Variants in LDHAL6A observed in about 807,000 individuals in gnomAD.
The protein encoded by LDHAL6A is L-lactate dehydrogenase A-like 6A.
In LDHAL6A, 19 loss-of-function variants were observed where a neutral mutation model predicts 28.2. The ratio of observed to expected loss-of-function variants is 0.67; its 90% confidence interval spans 0.47 to 0.99. The LOEUF is 0.99. LDHAL6A is among the 50% of genes least tolerant of loss of function. LDHAL6A has a pLI of 0.00. For synonymous variants in LDHAL6A, 144 were observed against 134.4 expected, an observed-to-expected ratio of 1.07 and a Z score of -0.49; for missense variants, 372 against 398.6, an observed-to-expected ratio of 0.93 and a Z score of 0.57.
intron 2 of LDHAL6A, 42 bp downstream of exon 2, chr11:18,464,120 T>G: frequency 7.9e-7 from 1 of 1,269,178 alleles, no homozygotes; most frequent in Non-Finnish European, 1.1e-6. Context: ...CTAATATACA[T>G]GAACAAGTAT....
chr11:18,468,490 C>T (rs2133879703), intron 3 of LDHAL6A: 1 of 152,206 alleles, frequency 6.6e-6, no homozygotes, highest in East Asian at 1.9e-4. Flanking sequence ...GGGCACCCAC[C>T]ACCACTCCTG....
At chr11:18,464,695 A>G (rs1331256940) in intron 2 of LDHAL6A, among the ~76,000 whole-genome samples, 1 of 151,346 alleles carries the variant, frequency 6.6e-6, no homozygotes, top group Non-Finnish European at 1.5e-5. Context: ...AGCCTGGGCA[A>G]CAAGAGTGAA....
chr11:18,466,961 G>A (rs1849089736), intron 3 of LDHAL6A, among the ~76,000 whole-genome samples: 3 of 152,146 alleles, frequency 2.0e-5, no homozygotes, highest in African/African-American at 7.2e-5. Flanking sequence ...GTAACTGAAG[G>A]GATGGTAGTT....
In LDHAL6A at chr11:18,476,369, G is replaced by A; in HGVS notation, c.593-15G>A. ...TACCATGTAAGAAGTGGGATTTTGGGTGTCTCTTTCTTAGTTCCTGTGTGG... is the reference window on the plus strand; with the variant it reads ...TACCATGTAAGAAGTGGGATTTTGGATGTCTCTTTCTTAGTTCCTGTGTGG... On this transcript the variant is annotated splice_polypyrimidine_tract_variant and intron_variant, in intron 4 of 6. Coordinates refer to ENST00000280706, the MANE Select transcript of LDHAL6A (RefSeq NM_144972.5). 1 of 1,607,562 alleles carries A rather than the reference G, an allele frequency of 6.2e-7. No individual in the cohort carries two copies. Among genetic ancestry groups the A allele is most frequent in the Non-Finnish European group, 8.5e-7 (1 of 1,177,866 alleles).
intron 3 of LDHAL6A, among the ~76,000 whole-genome samples, chr11:18,472,766 G>C (rs546544671): frequency 1.3e-5 from 2 of 152,222 alleles, no homozygotes; most frequent in African/African-American, 4.8e-5. Flanking sequence ...AGAACAAATA[G>C]ATTTTTCAAA....
chr11:18,464,098 A>T lies in LDHAL6A; in HGVS notation c.244+20A>T, dbSNP rs1334725500. ...GCAAAGGTTAATGTCATAGTTAAATACTATAAATATTCTAATATACATGAA... is the reference window on the plus strand; with the variant it reads ...GCAAAGGTTAATGTCATAGTTAAATTCTATAAATATTCTAATATACATGAA... On this transcript the variant is annotated intron_variant, in intron 2 of 6. Transcript: ENST00000280706. 1 of 1,411,176 alleles carries T rather than the reference A, an allele frequency of 7.1e-7. No homozygotes were observed. Among genetic ancestry groups the T allele is most frequent in the African/African-American group, 1.4e-5 (1 of 71,112 alleles). The allele number at this position is 1,411,176 out of a possible 1,614,324, so 87.4% of individuals were successfully genotyped here.
Position 18,461,387 on chromosome 11 carries a change from C to T in LDHAL6A, c.127-2574C>T, listed in dbSNP as rs187916395. ...CTCGAACTCCTGAGCTCATGATCCGCCCACCTTGGCCTCCCAAAGTGCTGG... is the reference window on the plus strand; with the variant it reads ...CTCGAACTCCTGAGCTCATGATCCGTCCACCTTGGCCTCCCAAAGTGCTGG... On this transcript the variant is annotated intron_variant, in intron 1 of 6. Transcript: ENST00000280706. Among the ~76,000 whole-genome samples, 995 of 151,840 alleles carry T rather than the reference C, an allele frequency of 6.6e-3. 2 individuals carry two copies. The highest frequency in any genetic ancestry group is 0.01 in the Non-Finnish European group (696 of 67,956).
chr11:18,476,595 G>C, intron 5 of LDHAL6A, 94 bp downstream of exon 5: 1 of 1,491,738 alleles, frequency 6.7e-7, no homozygotes, highest in Non-Finnish European at 8.9e-7. Flanking sequence ...ATATGTTGTT[G>C]TATTTCCCAT....
intron 5 of LDHAL6A, among the ~76,000 whole-genome samples, 168 bp from the exon 6 acceptor site, chr11:18,477,452 T>TAAAA (rs112745078): frequency 6.9e-6 from 1 of 144,350 alleles, no homozygotes. Context: ...GAGCAAGACT[T>TAAAA]AAAAAAAAAA....
chr11:18,477,803 T>G, intron 6 of LDHAL6A, 60 bp downstream of exon 6: 1 of 1,495,824 alleles, frequency 6.7e-7, no homozygotes, highest in Non-Finnish European at 9.0e-7. Flanking sequence ...GTAAAGAACA[T>G]TTTTGAGGCA....
chr11:18,459,900 G>GT (rs59881367), intron 1 of LDHAL6A, among the ~76,000 whole-genome samples: 13 of 151,676 alleles, frequency 8.6e-5, no homozygotes, highest in Non-Finnish European at 1.2e-4. Context: ...ATTTGGTGGG[G>GT]TTTTTTTTGA....
In LDHAL6A at chr11:18,456,585, A is replaced by G. The variant is rs1279850851; in HGVS notation, c.-96A>G. 2 of 1,124,154 alleles carry G rather than the reference A, an allele frequency of 1.8e-6. No homozygotes were observed. Among genetic ancestry groups the G allele is most frequent in the Non-Finnish European group, 2.6e-6 (2 of 756,192 alleles). The allele number at this position is 1,124,154 out of a possible 1,614,324, so 69.6% of individuals were successfully genotyped here. A position where few individuals can be genotyped will look rare whatever the true frequency, so the allele number is the denominator to read the frequency against. The stretch of plus-strand genomic sequence containing the variant: ...CCACACGGGCCCAGGAGTTCTCTAT[A>G]CGCGCTCTCACCGCAGGTCTTGGAA... On this transcript the variant is annotated 5_prime_UTR_variant, in exon 1 of 7. It adds an upstream start codon to the 5' untranslated region. Coordinates refer to ENST00000280706, the MANE Select transcript of LDHAL6A (RefSeq NM_144972.5).
At chr11:18,462,321 T>G (rs1848933479) in intron 1 of LDHAL6A, among the ~76,000 whole-genome samples, 1 of 151,968 alleles carries the variant, frequency 6.6e-6, no homozygotes, top group Non-Finnish European at 1.5e-5. Context: ...GCCAACATGG[T>G]GAAACCCTGT....
At chr11:18,461,112 A>T (rs1258911284) in intron 1 of LDHAL6A, among the ~76,000 whole-genome samples, 2 of 150,610 alleles carry the variant, frequency 1.3e-5, no homozygotes, top group African/African-American at 4.9e-5. Flanking sequence ...TGCTGGGATT[A>T]CATGCGTGAG....
At chr11:18,462,667 C>CAAAAAAACA (rs1565067367) in intron 1 of LDHAL6A, among the ~76,000 whole-genome samples, 7 of 74,870 alleles carry the variant, frequency 9.3e-5, no homozygotes, top group Non-Finnish European at 1.9e-4. Context: ...AAAAAAAAAA[C>CAAAAAAACA]AAAAAAAACC....
chr11:18,476,845 G>GT (rs1849395825), intron 5 of LDHAL6A: 1 of 157,504 alleles, frequency 6.3e-6, no homozygotes. Context: ...TAACTCAAAT[G>GT]TTTAACCACT....
Position 18,456,534 on chromosome 11 carries a change from C to A in LDHAL6A, c.-147C>A. ...TTCTTTGCTGGTCAGATTTGTCGGT[C>A]TTTTGTGTGTCTGCAGCACCTCCTT... On this transcript the variant is annotated 5_prime_UTR_variant, in exon 1 of 7. Transcript: ENST00000280706. 1 of 680,238 alleles carries A rather than the reference C, an allele frequency of 1.5e-6. No homozygotes were observed. The highest frequency in any genetic ancestry group is 2.5e-6 in the Non-Finnish European group (1 of 401,576). The allele number at this position is 680,238 out of a possible 1,614,324, so 42.1% of individuals were successfully genotyped here. A position where few individuals can be genotyped will look rare whatever the true frequency, so the allele number is the denominator to read the frequency against.
chr11:18,456,351 C>T lies in LDHAL6A; in HGVS notation c.-330C>T, dbSNP rs1406498773. On this transcript the variant is annotated 5_prime_UTR_variant, in exon 1 of 7. In the 5' UTR this introduces an upstream ATG that the reference lacks. Transcript: ENST00000280706. ...AGAGAAAAGGGGGTCAGCTGCGGGA[C>T]GGAGTGCCGTCCCAGCTGTAGTTTC... The T allele has an allele frequency of 2.1e-5, 5 of 243,342 alleles. No homozygotes were observed. Among genetic ancestry groups the T allele is most frequent in the South Asian group, 1.0e-4 (2 of 19,546 alleles). 15.1% of individuals were successfully genotyped at this position (243,342 alleles called of 1,614,324 possible).
chr11:18,476,303 T>C (rs1849380221), intron 4 of LDHAL6A, 81 bp from the exon 5 acceptor site: 10 of 1,496,344 alleles, frequency 6.7e-6, no homozygotes, highest in Admixed American at 2.2e-5. Flanking sequence ...TCAGGGCAAT[T>C]ATAACAGTTT....
Sources: allele counts gnomAD v4.1 joint callset (sites outside exome capture counted in the v4.1 genomes callset), GRCh38; gene constraint gnomAD v4.1.1; transcripts MANE v1.5; gene names NCBI Gene and HGNC (gene_info 2026-07-23, HGNC 2026-07-21).